The following PLXNA1 variants were observed in gnomAD, a reference collection of about 807,000 sequenced individuals.
PLXNA1 encodes the protein plexin-A1.
In PLXNA1, 77 loss-of-function variants were observed where a neutral mutation model predicts 191.7. The ratio of observed to expected loss-of-function variants is 0.40; its 90% CI spans 0.33 to 0.49. The LOEUF (loss-of-function observed/expected upper bound fraction) is 0.49. Among genes scored for constraint, PLXNA1 ranks in the 20% least tolerant of loss-of-function variants. The pLI is 0.63. For missense variants in PLXNA1, 2,110 were observed against 2,660.2 expected (o/e 0.79, Z 4.55); for synonymous variants, 1,137 against 1,156.4 (o/e 0.98, Z 0.34).
chr3:127,009,565 C>T (rs572223126), intron 9 of PLXNA1, among the ~76,000 whole-genome samples: 1 of 151,792 alleles, frequency 6.6e-6, no homozygotes, highest in Non-Finnish European at 1.5e-5. Context: ...CCCCAACCCC[C>T]CCACAAGCCC....
In PLXNA1 at chr3:127,004,704, C is replaced by A; in HGVS notation, c.1612C>A (p.His538Asn). 1 of 1,587,992 alleles carries A rather than the reference C, an allele frequency of 6.3e-7. No homozygotes were observed. The highest frequency in any genetic ancestry group is 1.8e-5 in the Admixed American group (1 of 55,528). The change falls in exon 5 of 32, where the codon CAC (histidine) becomes AAC (asparagine). Residue 538 changes from histidine to asparagine, a missense_variant. His to Asn is a moderately conservative substitution (Grantham distance 68, BLOSUM62 1). This residue lies in a region of PLXNA1 where 903 missense variants were observed against 1,015.7 expected (regional missense o/e 0.89). Coordinates refer to ENST00000393409, the MANE Select transcript of PLXNA1 (RefSeq NM_032242.4). ...RDPHCGWCVL[H>N]SICSRRDACE... ...CCCCCACTGTGGCTGGTGTGTCCTG[C>A]ACAGCATGTGAGTCTGGGCAGGTGG...
chr3:127,026,087 C>A (rs1329996994), intron 23 of PLXNA1, among the ~76,000 whole-genome samples: 2 of 152,172 alleles, frequency 1.3e-5, no homozygotes, highest in African/African-American at 2.4e-5. Flanking sequence ...TTTGCACATT[C>A]CTGAGTGGGG....
intron 1 of PLXNA1, among the ~76,000 whole-genome samples, chr3:126,984,479 C>T (rs1236431271): frequency 6.6e-6 from 1 of 152,222 alleles, no homozygotes; most frequent in Non-Finnish European, 1.5e-5. Flanking sequence ...CCTCGATTTC[C>T]TGCGGCTTGG....
chr3:127,022,452 G>T, intron 22 of PLXNA1, 111 bp downstream of exon 22: 2 of 1,396,910 alleles, frequency 1.4e-6, no homozygotes, highest in Non-Finnish European at 1.9e-6. Flanking sequence ...ACCGGGCAGG[G>T]GTGGGAGGAC....
At position 127,037,060 on chromosome 3, in the gene PLXNA1, G is replaced by T. The variant is rs1379094131; in HGVS notation, c.*3043G>T. ...CGGCTCGGCCTTGCTGAGAGCCTCC[G>T]CCCTGGCTTTCTCCCTGTCTGGATT... On this transcript the variant is annotated 3_prime_UTR_variant, in exon 32 of 32. Coordinates refer to ENST00000393409, the MANE Select transcript of PLXNA1 (RefSeq NM_032242.4). 1 of 152,452 alleles carries T rather than the reference G, an allele frequency of 6.6e-6. No individual in the cohort carries two copies. The highest frequency in any genetic ancestry group is 1.5e-5 in the Non-Finnish European group (1 of 68,064). 9.4% of individuals were successfully genotyped at this position (152,452 alleles called of 1,614,324 possible).
rs1340963152 is a variant in PLXNA1 at position 127,016,994 on chromosome 3, A to G, written c.3233A>G (p.Glu1078Gly). 5 of 1,613,406 alleles carry G rather than the reference A, an allele frequency of 3.1e-6. No homozygotes were observed. The Admixed American group carries it at 8.3e-5, about 27-fold the overall frequency. ...GGCACCAACCTGGCCACTGTCCGTG[A>G]ACCCCGAATCCGGGCCAAGTATGGA... ...VTGTNLATVR[E>G]PRIRAKYGGI... Residue 1078 changes from glutamate to glycine, a missense_variant, in exon 17 of 32, where the codon GAA (glutamate) becomes GGA (glycine). Around this residue, in one of 4 missense-constraint regions of PLXNA1, gnomAD observed 644 missense variants for 714.3 expected, o/e 0.90. Coordinates refer to ENST00000393409, the MANE Select transcript of PLXNA1 (RefSeq NM_032242.4).
At chr3:127,003,188 G>A (rs932802223) in intron 3 of PLXNA1, 142 bp from the exon 4 acceptor site, 13 of 901,340 alleles carry the variant, frequency 1.4e-5, no homozygotes, top group Non-Finnish European at 2.0e-5. Context: ...TGGAGAGTGA[G>A]TATGGCTGGC....
Position 127,015,225 on chromosome 3 carries a change from G to C in PLXNA1, c.2919G>C (p.Leu973=). The C allele has an allele frequency of 6.2e-7, 1 of 1,613,602 alleles. No individual in the cohort carries two copies. Among genetic ancestry groups the C allele is most frequent in the Non-Finnish European group, 8.5e-7 (1 of 1,179,916 alleles). The change falls in exon 15 of 32, where the codon CTG becomes CTC. Residue 973 remains leucine, a synonymous_variant. Coordinates refer to ENST00000393409, the MANE Select transcript of PLXNA1 (RefSeq NM_032242.4). The part of the protein sequence containing the change: ...FYRVSPSRGP[L]SGGTWIGIEG... ...GTGTGAGCCCCTCCCGTGGGCCTCT[G>C]TCAGGGGGCACCTGGATTGGCATCG...
rs767405958 is a variant in PLXNA1 at position 127,014,475 on chromosome 3, C to T, written c.2605-3C>T. On this transcript the variant is annotated splice_polypyrimidine_tract_variant and splice_region_variant and intron_variant, in intron 12 of 31. Transcript: ENST00000393409. ...CCTGTACCCCAGCCTCTGCCTCCCT[C>T]AGCTGTCCCCCGAGACGGGCCCGAG... is the stretch of plus-strand genomic sequence containing the variant. The T allele has an allele frequency of 5.0e-6, 8 of 1,601,082 alleles. No individual in the cohort carries two copies. The South Asian group carries it at 8.8e-5, about 18-fold the overall frequency.
chr3:127,035,383 G>A lies in PLXNA1; in HGVS notation c.*1366G>A, dbSNP rs566148188. 3 of 152,372 alleles carry A rather than the reference G, an allele frequency of 2.0e-5. No homozygotes were observed. Among genetic ancestry groups the A allele is most frequent in the East Asian group, 1.9e-4 (1 of 5,170 alleles). The allele number at this position is 152,372 out of a possible 1,614,324, so 9.4% of individuals were successfully genotyped here. ...CCAAATGGTTGTGGAGAAAGTGGCC[G>A]GAGCCTCCCTGGAGTGGAGCAGCCC... On this transcript the variant is annotated 3_prime_UTR_variant, in exon 32 of 32. Coordinates refer to ENST00000393409, the MANE Select transcript of PLXNA1 (RefSeq NM_032242.4).
intron 21 of PLXNA1, 74 bp downstream of exon 21, chr3:127,020,418 G>A: frequency 6.4e-7 from 1 of 1,560,766 alleles, no homozygotes; most frequent in African/African-American, 1.3e-5. Flanking sequence ...GGCTCCTTGG[G>A]TGCTGATGGA....
chr3:127,020,443 C>A, intron 21 of PLXNA1, 99 bp downstream of exon 21: 3 of 1,456,718 alleles, frequency 2.1e-6, no homozygotes, highest in Non-Finnish European at 2.8e-6. Flanking sequence ...ATGGGGCAGC[C>A]TGTGTGGCCT....
chr3:127,017,667 G>A lies in PLXNA1; in HGVS notation c.3516+3G>A, dbSNP rs772183740. 3.7e-6 allele frequency: 6 copies of A among 1,613,166 alleles called. No homozygotes were observed. In the African/African-American group the frequency reaches 6.7e-5, roughly 18 times the overall value. ...CCAGCTCCCCACTCATCCTCAAGGT[G>A]GGTCACCATTGCCCGTAGGCTGGGC... On this transcript the variant is annotated splice_donor_region_variant and intron_variant, in intron 18 of 31. Transcript: ENST00000393409.
At chr3:127,007,649 G>A (rs534160076) in intron 8 of PLXNA1, 150 bp from the exon 9 acceptor site, 107 of 537,350 alleles carry the variant, frequency 2.0e-4, no homozygotes, top group African/African-American at 1.6e-3. Context: ...CAGGTTTGGG[G>A]GAAGAACTTT....
At chr3:127,001,172 C>T (rs544453722) in intron 3 of PLXNA1, among the ~76,000 whole-genome samples, 1 of 152,156 alleles carries the variant, frequency 6.6e-6, no homozygotes, top group Non-Finnish European at 1.5e-5. Context: ...GCACCCCTCA[C>T]CCACCGTTCC....
Position 127,014,267 on chromosome 3 carries a change from G to A in PLXNA1, c.2496G>A (p.Val832=), listed in dbSNP as rs2079110412. The change falls in exon 12 of 32, where the codon GTG becomes GTA. Residue 832 remains valine (V), a synonymous_variant. Coordinates refer to ENST00000393409, the MANE Select transcript of PLXNA1 (RefSeq NM_032242.4). ...CGCGCTTCGAGTGCGGATGGTGCGT[G>A]GCCGAGCGCCGCTGCTCCCTGCGAC... ...ADPRFECGWC[V]AERRCSLRHH... is the part of the protein sequence containing the mutation. 6.3e-7 allele frequency: 1 copy of A among 1,597,120 alleles called. No individual in the cohort carries two copies. Among genetic ancestry groups the A allele is most frequent in the Non-Finnish European group, 8.5e-7 (1 of 1,174,134 alleles).
Position 127,029,962 on chromosome 3 carries a change from G to A in PLXNA1, c.4959G>A (p.Leu1653=), listed in dbSNP as rs1441163559. The change falls in exon 28 of 32, where the codon CTG becomes CTA. Residue 1653 remains leucine, a synonymous_variant. Transcript: ENST00000393409. ...ITPDLESGTK[L]WHLVKNHDHL... Reference sequence around the variant, plus strand: ...CCGACCTGGAGAGCGGCACCAAGCTGTGGCACCTGGTGAAGAACCACGACC... The same window carrying A: ...CCGACCTGGAGAGCGGCACCAAGCTATGGCACCTGGTGAAGAACCACGACC... 2.2e-5 allele frequency: 36 copies of A among 1,613,606 alleles called. No individual in the cohort carries two copies. Among genetic ancestry groups the A allele is most frequent in the Non-Finnish European group, 3.1e-5 (36 of 1,179,970 alleles).
chr3:126,997,105 T>C (rs1307542980), intron 3 of PLXNA1, among the ~76,000 whole-genome samples: 1 of 152,216 alleles, frequency 6.6e-6, no homozygotes, highest in East Asian at 1.9e-4. Context: ...TCTTCCTTAC[T>C]GTGGGCAGCT....
Position 127,017,483 on chromosome 3 carries a change from C to G in PLXNA1, c.3335C>G (p.Pro1112Arg). 6.2e-7 allele frequency: 1 copy of G among 1,613,508 alleles called. No homozygotes were observed. Among genetic ancestry groups the G allele is most frequent in the African/African-American group, 1.3e-5 (1 of 75,058 alleles). Residue 1112 changes from proline to arginine, a missense_variant, in exon 18 of 32, where the codon CCT becomes CGT. Transcript: ENST00000393409. Reference protein sequence around the residue: ...MVCRAPSVANPVRSPPELGER... With the variant: ...MVCRAPSVANRVRSPPELGER... The stretch of plus-strand genomic sequence containing the variant: ...TGCCGCGCCCCGTCTGTGGCCAACC[C>G]TGTGCGCAGCCCACCAGAGCTGGGG...
Sources: gnomAD v4.1 joint callset for allele counts (sites outside exome capture counted in the v4.1 genomes callset) on GRCh38, gnomAD v4.1.1 for gene constraint, gnomAD v4.1.1 regional missense constraint, MANE v1.5 for transcripts, NCBI Gene and HGNC (gene_info 2026-07-23, HGNC 2026-07-21) for gene names.